The following PLCB1 variants were observed in gnomAD, a reference collection of about 807,000 sequenced individuals.
PLCB1 encodes phospholipase C beta 1, also known as 1-phosphatidylinositol 4,5-bisphosphate phosphodiesterase beta-1.
A neutral mutation model predicts 161.8 loss-of-function variants in PLCB1; 46 were observed. The ratio of observed to expected loss-of-function variants is 0.28; its 90% CI spans 0.22 to 0.36. PLCB1 has a LOEUF of 0.36. Among genes scored for constraint, PLCB1 ranks in the 10% least tolerant of loss-of-function variants. The probability of loss-of-function intolerance (pLI) is 1.00; values close to 1 mark genes in which losing one functional copy is unlikely to be tolerated. For missense variants in PLCB1, 1,016 were observed against 1,472.5 expected, an observed-to-expected ratio of 0.69 and a Z score of 5.07; for synonymous variants, 517 against 503.7, an observed-to-expected ratio of 1.03 and a Z score of -0.35.
chr20:8,608,779 AT>A (rs1220346989), intron 3 of PLCB1, among the ~76,000 whole-genome samples: 2 of 152,210 alleles, frequency 1.3e-5, no homozygotes, highest in Non-Finnish European at 2.9e-5. Context: ...AAATAAAAAT[AT>A]TAGAGGTAAT....
chr20:8,735,137 C>T (rs1382935842), intron 19 of PLCB1, among the ~76,000 whole-genome samples: 1 of 152,212 alleles, frequency 6.6e-6, no homozygotes, highest in Non-Finnish European at 1.5e-5. Context: ...GCTCCATGTA[C>T]TGATAGAATG....
intron 31 of PLCB1, chr20:8,802,221 G>A: frequency 1.0e-6 from 1 of 956,856 alleles, no homozygotes; most frequent in Non-Finnish European, 1.7e-6. Context: ...GTGGTGTGTA[G>A]CCATCCAGTT....
chr20:8,429,104 A>G (rs1979920557), intron 3 of PLCB1, among the ~76,000 whole-genome samples: 1 of 152,118 alleles, frequency 6.6e-6, no homozygotes. Context: ...ACTTGCTTGT[A>G]TCTTACCCTC....
At chr20:8,881,243 C>A (rs1987970268) in intron 31 of PLCB1, among the ~76,000 whole-genome samples, 1 of 151,874 alleles carries the variant, frequency 6.6e-6, no homozygotes, top group African/African-American at 2.4e-5. Context: ...TCGCAATCAA[C>A]CTGCCTCAAC....
intron 2 of PLCB1, among the ~76,000 whole-genome samples, chr20:8,262,279 C>T (rs558783231): frequency 2.8e-4 from 42 of 151,744 alleles, no homozygotes; most frequent in Non-Finnish European, 4.0e-4. Context: ...TCAGTAGAGA[C>T]GGGGTTTCAC....
At chr20:8,309,405 T>C (rs1262541213) in intron 2 of PLCB1, among the ~76,000 whole-genome samples, 1 of 152,170 alleles carries the variant, frequency 6.6e-6, no homozygotes, top group African/African-American at 2.4e-5. Flanking sequence ...ATGGCCTACA[T>C]AGGAAAAGCA....
At chr20:8,372,116 A>G (rs1986921996) in intron 3 of PLCB1, 1 of 152,200 alleles carries the variant, frequency 6.6e-6, no homozygotes, top group African/African-American at 2.4e-5. Flanking sequence ...TCAAAGTTAA[A>G]AGCTATTCTT....
chr20:8,391,783 GTGTATA>G (rs1282703682), intron 3 of PLCB1, among the ~76,000 whole-genome samples: 2 of 83,302 alleles, frequency 2.4e-5, no homozygotes, highest in African/African-American at 1.1e-4. Flanking sequence ...ATATATGTGT[GTGTATA>G]TATATATATA....
intron 2 of PLCB1, among the ~76,000 whole-genome samples, chr20:8,238,304 G>A (rs1182462761): frequency 6.6e-6 from 1 of 152,030 alleles, no homozygotes; most frequent in Non-Finnish European, 1.5e-5. Flanking sequence ...AATCAGACAT[G>A]TCAGTGAGGT....
chr20:8,135,989 G>C (rs1318987607), intron 1 of PLCB1, among the ~76,000 whole-genome samples: 1 of 152,124 alleles, frequency 6.6e-6, no homozygotes, highest in Non-Finnish European at 1.5e-5. Flanking sequence ...GCAGGACATG[G>C]AGAGAAAGAG....
chr20:8,356,974 A>G (rs1419720049), intron 2 of PLCB1, among the ~76,000 whole-genome samples: 1 of 152,214 alleles, frequency 6.6e-6, no homozygotes, highest in Non-Finnish European at 1.5e-5. Context: ...CTTTCTTAAT[A>G]CAGAGGAAGT....
intron 3 of PLCB1, among the ~76,000 whole-genome samples, chr20:8,625,864 T>C (rs560206557): frequency 1.4e-4 from 22 of 152,246 alleles, no homozygotes; most frequent in African/African-American, 5.1e-4. Flanking sequence ...AAATACTTCA[T>C]TATAAATTTC....
intron 11 of PLCB1, among the ~76,000 whole-genome samples, chr20:8,702,020 C>G (rs940092910): frequency 6.6e-6 from 1 of 152,116 alleles, no homozygotes; most frequent in Non-Finnish European, 1.5e-5. Context: ...TTTATGTCAC[C>G]CAGTGTATCT....
chr20:8,381,857 G>A (rs150752021), intron 3 of PLCB1, among the ~76,000 whole-genome samples: 167 of 152,144 alleles, frequency 1.1e-3, no homozygotes, highest in African/African-American at 3.6e-3. Context: ...AGTCTAGCCA[G>A]CAGTCTATCT....
chr20:8,230,010 C>G (rs1979924655), intron 2 of PLCB1, among the ~76,000 whole-genome samples: 1 of 126,280 alleles, frequency 7.9e-6, no homozygotes, highest in African/African-American at 2.8e-5. Flanking sequence ...GAGCCATGAT[C>G]ACATCACCAC....
chr20:8,138,075 C>A (rs1463103599), intron 1 of PLCB1, among the ~76,000 whole-genome samples: 1 of 152,218 alleles, frequency 6.6e-6, no homozygotes, highest in Non-Finnish European at 1.5e-5. Context: ...GTAATGCCTT[C>A]AGGCTGTTAT....
chr20:8,387,007 A>C (rs1987442894), intron 3 of PLCB1, among the ~76,000 whole-genome samples: 1 of 152,244 alleles, frequency 6.6e-6, no homozygotes, highest in Non-Finnish European at 1.5e-5. Flanking sequence ...ATTTTGGCTT[A>C]AGGGAACATT....
intron 31 of PLCB1, among the ~76,000 whole-genome samples, chr20:8,815,269 C>T (rs1222533443): frequency 6.6e-6 from 1 of 152,184 alleles, no homozygotes; most frequent in Non-Finnish European, 1.5e-5. Context: ...TAATTACCTC[C>T]AGTGTCCAGG....
chr20:8,210,357 T>C (rs1278201698), intron 2 of PLCB1, among the ~76,000 whole-genome samples: 1 of 152,164 alleles, frequency 6.6e-6, no homozygotes, highest in Non-Finnish European at 1.5e-5. Context: ...TCCTAAGTTA[T>C]ATGCCAAAAA....
Sources: gnomAD v4.1 joint callset for allele counts (sites outside exome capture counted in the v4.1 genomes callset) on GRCh38, gnomAD v4.1.1 for gene constraint, MANE v1.5 for transcripts, NCBI Gene and HGNC (gene_info 2026-07-23, HGNC 2026-07-21) for gene names.